ALK: variants seen among roughly 807,000 people sequenced by gnomAD.
ALK encodes the protein ALK tyrosine kinase receptor.
ALK carries 74 observed loss-of-function variants against 163.1 expected under a neutral mutation model. The observed-to-expected ratio is 0.45, with a 90% CI of 0.38 to 0.55. ALK has a LOEUF of 0.55. ALK is among the 20% of genes least tolerant of loss of function. The probability of loss-of-function intolerance (pLI) is 0.00; values close to 1 mark genes in which losing one functional copy is unlikely to be tolerated. For synonymous variants in ALK, 960 were observed against 843.2 expected (o/e 1.14, Z -2.40); for missense variants, 2,063 against 2,105.3 (o/e 0.98, Z 0.39).
At chr2:29,582,895 C>CT (rs1265271913) in intron 3 of ALK, among the ~76,000 whole-genome samples, 2 of 133,064 alleles carry the variant, frequency 1.5e-5, no homozygotes, top group Non-Finnish European at 3.2e-5. Context: ...TAGAGTCTTG[C>CT]TTTTTTACCC....
chr2:29,497,497 C>T (rs967761390), intron 4 of ALK, among the ~76,000 whole-genome samples: 3 of 152,192 alleles, frequency 2.0e-5, no homozygotes, highest in African/African-American at 7.2e-5. Flanking sequence ...CTCCCAGCAG[C>T]ACACACATCC....
intron 4 of ALK, among the ~76,000 whole-genome samples, chr2:29,486,203 T>C (rs947153538): frequency 4.6e-5 from 7 of 152,180 alleles, no homozygotes; most frequent in African/African-American, 1.7e-4. Flanking sequence ...AGTCTAGATT[T>C]GCAAAATAAT....
intron 11 of ALK, among the ~76,000 whole-genome samples, chr2:29,265,942 G>A (rs1425344554): frequency 2.6e-5 from 4 of 152,068 alleles, no homozygotes; most frequent in African/African-American, 7.2e-5. Flanking sequence ...CCAAGATCAC[G>A]GCACTGCACT....
intron 4 of ALK, among the ~76,000 whole-genome samples, chr2:29,499,075 GC>G (rs1672103409): frequency 6.6e-6 from 1 of 152,164 alleles, no homozygotes; most frequent in Non-Finnish European, 1.5e-5. Flanking sequence ...ACCTGTGGTG[GC>G]CTGCCTGGCA....
chr2:29,396,836 G>GTTTGTTTTTTTTTT (rs1669318858), intron 4 of ALK, among the ~76,000 whole-genome samples: 1 of 46,604 alleles, frequency 2.1e-5, no homozygotes, highest in Non-Finnish European at 3.5e-5. Flanking sequence ...TGTTACTATG[G>GTTTGTTTTTTTTTT]TTTTTTTTTT....
At chr2:29,432,859 G>A (rs546410969) in intron 4 of ALK, among the ~76,000 whole-genome samples, 1 of 151,978 alleles carries the variant, frequency 6.6e-6, no homozygotes, top group Non-Finnish European at 1.5e-5. Flanking sequence ...TGAAGTGGGG[G>A]TGAGTAAGCA....
intron 4 of ALK, among the ~76,000 whole-genome samples, chr2:29,457,151 C>T (rs1168451315): frequency 3.3e-5 from 5 of 152,086 alleles, no homozygotes; most frequent in East Asian, 1.9e-4. Flanking sequence ...CTCTCTGGGT[C>T]TGAAAAGTGA....
At chr2:29,890,202 T>C (rs941690705) in intron 1 of ALK, among the ~76,000 whole-genome samples, 4 of 152,178 alleles carry the variant, frequency 2.6e-5, no homozygotes, top group Non-Finnish European at 5.9e-5. Flanking sequence ...AAGCAGACCA[T>C]GTGCCACTAG....
At position 29,230,900 on chromosome 2, in the gene ALK, G is replaced by A. The variant is rs545364760; in HGVS notation, c.2632+1404C>T. On this transcript the variant is annotated intron_variant, in intron 15 of 28. Transcript: ENST00000389048. ...ATAAATAAATCAGAACGAGATGGAC[G>A]GAGACCATGCGCTGTGCTTTCATCC... Among the ~76,000 whole-genome samples the A allele has an allele frequency of 2.0e-5, 3 of 152,314 alleles. No individual in the cohort carries two copies. In the East Asian group the frequency reaches 5.8e-4, roughly 29 times the overall value.
At chr2:29,678,313 T>C (rs1485694464) in intron 3 of ALK, among the ~76,000 whole-genome samples, 2 of 151,862 alleles carry the variant, frequency 1.3e-5, no homozygotes, top group African/African-American at 2.4e-5. Flanking sequence ...ACTCAATCTT[T>C]ATTTCCTTTC....
At chr2:29,558,745 T>C (rs749736407) in intron 3 of ALK, among the ~76,000 whole-genome samples, 41 of 152,280 alleles carry the variant, frequency 2.7e-4, no homozygotes, top group Non-Finnish European at 4.6e-4. Context: ...CGTATGCCTG[T>C]GTTTCCAGCT....
intron 1 of ALK, among the ~76,000 whole-genome samples, chr2:29,789,276 G>A (rs1664128111): frequency 6.6e-6 from 1 of 152,232 alleles, no homozygotes; most frequent in Non-Finnish European, 1.5e-5. Flanking sequence ...CCCTAGCACT[G>A]AGCTTATGAT....
intron 5 of ALK, among the ~76,000 whole-genome samples, chr2:29,379,609 A>ATT (rs1281808780): frequency 7.2e-5 from 11 of 152,178 alleles, no homozygotes; most frequent in Non-Finnish European, 1.3e-4. Context: ...GGCCCCAGGA[A>ATT]ATGAGTAAGG....
intron 2 of ALK, among the ~76,000 whole-genome samples, chr2:29,705,274 TATATATAA>T (rs3063574): frequency 0.049 from 2,522 of 51,572 alleles, 213 homozygotes; most frequent in African/African-American, 0.1. Flanking sequence ...TATATATATA[TATATATAA>T]ATATATATCT....
intron 2 of ALK, among the ~76,000 whole-genome samples, chr2:29,708,742 G>T (rs1020551147): frequency 3.3e-5 from 5 of 152,164 alleles, no homozygotes; most frequent in African/African-American, 1.2e-4. Flanking sequence ...CAAGCAGATG[G>T]CCTGGGTTTG....
intron 1 of ALK, among the ~76,000 whole-genome samples, chr2:29,786,868 T>C (rs1358039247): frequency 6.6e-6 from 1 of 152,202 alleles, no homozygotes; most frequent in East Asian, 1.9e-4. Context: ...CTTGACTCAT[T>C]GCAACCTCTA....
At chr2:29,377,859 C>T (rs1337997406) in intron 5 of ALK, among the ~76,000 whole-genome samples, 1 of 152,140 alleles carries the variant, frequency 6.6e-6, no homozygotes, top group African/African-American at 2.4e-5. Flanking sequence ...AATAACTTCT[C>T]ACGGGTAAGG....
intron 3 of ALK, among the ~76,000 whole-genome samples, chr2:29,647,641 A>T (rs1266236152): frequency 1.3e-5 from 2 of 152,106 alleles, no homozygotes; most frequent in African/African-American, 4.8e-5. Context: ...AATGAAGTTC[A>T]TATTCCCCTG....
chr2:29,522,094 C>G (rs1672829858), intron 4 of ALK, among the ~76,000 whole-genome samples: 1 of 152,208 alleles, frequency 6.6e-6, no homozygotes, highest in Non-Finnish European at 1.5e-5. Flanking sequence ...ATAAATAAGA[C>G]TGCATCCTTA....
Sources: gnomAD v4.1 joint callset for allele counts (sites outside exome capture counted in the v4.1 genomes callset) on GRCh38, gnomAD v4.1.1 for gene constraint, MANE v1.5 for transcripts, NCBI Gene and HGNC (gene_info 2026-07-23, HGNC 2026-07-21) for gene names.